FRMD3: variants seen among roughly 807,000 people sequenced by gnomAD.
The protein encoded by FRMD3 is FERM domain-containing protein 3.
In FRMD3, 33 loss-of-function variants were observed where a neutral mutation model predicts 70.2. The observed-to-expected ratio is 0.47, with a 90% CI of 0.36 to 0.63. The LOEUF (loss-of-function observed/expected upper bound fraction) is 0.63, where lower values mean the gene tolerates loss of function less well. Among genes scored for constraint, FRMD3 ranks in the 20% least tolerant of loss-of-function variants. The probability of loss-of-function intolerance (pLI) is 0.00; values close to 1 mark genes in which losing one functional copy is unlikely to be tolerated. For missense variants in FRMD3, 632 were observed against 711.4 expected (o/e 0.89, Z 1.27); for synonymous variants, 279 against 255.9 (o/e 1.09, Z -0.86).
intron 1 of FRMD3, among the ~76,000 whole-genome samples, chr9:83,535,819 G>A (rs1279979259): frequency 6.6e-6 from 1 of 151,954 alleles, no homozygotes; most frequent in Non-Finnish European, 1.5e-5. Flanking sequence ...GACATTCTGT[G>A]ACAATATATA....
the FRMD3 span, among the ~76,000 whole-genome samples, chr9:83,560,666 C>A: frequency 6.6e-6 from 1 of 152,218 alleles, no homozygotes; most frequent in African/African-American, 2.4e-5. Flanking sequence ...ACATGGCTGC[C>A]TTATCAGACT....
chr9:83,365,645 G>A (rs1373869292), intron 3 of FRMD3, among the ~76,000 whole-genome samples: 6 of 152,202 alleles, frequency 3.9e-5, no homozygotes, highest in Non-Finnish European at 7.4e-5. Flanking sequence ...CAACACTACC[G>A]GCTTGGCTGA....
At chr9:83,327,551 C>G (rs1836069104) in intron 6 of FRMD3, among the ~76,000 whole-genome samples, 1 of 152,226 alleles carries the variant, frequency 6.6e-6, no homozygotes, top group Admixed American at 6.5e-5. Flanking sequence ...CTTCCCCACC[C>G]AGGCTGAAGG....
At chr9:83,272,529 C>T (rs1833605253) in intron 13 of FRMD3, among the ~76,000 whole-genome samples, 1 of 152,196 alleles carries the variant, frequency 6.6e-6, no homozygotes, top group Non-Finnish European at 1.5e-5. Flanking sequence ...GGCCGCCACC[C>T]CCTCTGGGAA....
chr9:83,508,293 G>A (rs1829251261), intron 1 of FRMD3, among the ~76,000 whole-genome samples: 1 of 152,152 alleles, frequency 6.6e-6, no homozygotes, highest in Non-Finnish European at 1.5e-5. Flanking sequence ...GGCATAACAG[G>A]GACTGCCTGG....
At chr9:83,340,965 A>G (rs1269553424) in intron 5 of FRMD3, among the ~76,000 whole-genome samples, 1 of 152,222 alleles carries the variant, frequency 6.6e-6, no homozygotes, top group Non-Finnish European at 1.5e-5. Context: ...GAGCATTAGC[A>G]AACAAGACGA....
At chr9:83,568,101 G>A in the FRMD3 span, among the ~76,000 whole-genome samples, 5 of 152,214 alleles carry the variant, frequency 3.3e-5, no homozygotes, top group African/African-American at 4.8e-5. Context: ...CAGAATCATG[G>A]TAGGAGATGA....
At chr9:83,366,750 A>G (rs968910384) in intron 3 of FRMD3, among the ~76,000 whole-genome samples, 8 of 152,354 alleles carry the variant, frequency 5.3e-5, no homozygotes, top group African/African-American at 1.9e-4. Context: ...AAGTTTTTTC[A>G]TGCTAATATA....
intron 1 of FRMD3, among the ~76,000 whole-genome samples, chr9:83,505,381 T>G (rs1209154348): frequency 1.3e-5 from 2 of 152,212 alleles, no homozygotes; most frequent in Non-Finnish European, 2.9e-5. Context: ...AAGCCCCAGT[T>G]GGCAAGTCCT....
Position 83,538,291 on chromosome 9 carries a change from G to A in FRMD3, c.-60C>T. On this transcript the variant is annotated 5_prime_UTR_variant, in exon 1 of 14. Coordinates refer to ENST00000304195, the MANE Select transcript of FRMD3 (RefSeq NM_174938.6). The surrounding 1 kb of genome is among the most constrained non-coding windows in gnomAD (Gnocchi z 4.7). Reference sequence around the variant, plus strand: ...GGGCCGGCGCGGTGCTCGCCTGCGCGGACACACACGCTCGCACGCACTGTC... The same window carrying A: ...GGGCCGGCGCGGTGCTCGCCTGCGCAGACACACACGCTCGCACGCACTGTC... 2.7e-6 allele frequency: 4 copies of A among 1,502,120 alleles called. No individual in the cohort carries two copies. Among genetic ancestry groups the A allele is most frequent in the Admixed American group, 4.0e-5 (2 of 49,446 alleles). 93.0% of individuals were successfully genotyped at this position (1,502,120 alleles called of 1,614,324 possible). A position where few individuals can be genotyped will look rare whatever the true frequency, so the allele number is the denominator to read the frequency against.
At position 83,247,971 on chromosome 9, in the gene FRMD3, C is replaced by A; in HGVS notation, c.1741G>T (p.Glu581Ter). The A allele has an allele frequency of 1.2e-6, 2 of 1,614,194 alleles. No individual in the cohort carries two copies. The highest frequency in any genetic ancestry group is 2.2e-5 in the South Asian group (2 of 91,088). ...FHYEYYCPLK[E>*]WVAGKVHLIL... ...AGGTGGACTTTCCCAGCCACCCACT[C>A]CTTGAGGGGACAGTAGTATTCATAG... Residue 581 changes from glutamate (E) to a stop codon, truncating the protein, a stop_gained, in exon 14 of 14, where the codon GAG becomes TAG. Transcript: ENST00000304195. LOFTEE classifies it high-confidence loss of function.
At chr9:83,440,578 G>A (rs552842262) in intron 1 of FRMD3, among the ~76,000 whole-genome samples, 10 of 152,182 alleles carry the variant, frequency 6.6e-5, no homozygotes, top group Non-Finnish European at 8.8e-5. Flanking sequence ...ATCACAGGAC[G>A]AGGGGCAACA....
chr9:83,425,654 C>T (rs1377712317), intron 1 of FRMD3, among the ~76,000 whole-genome samples: 1 of 152,062 alleles, frequency 6.6e-6, no homozygotes, highest in African/African-American at 2.4e-5. Flanking sequence ...ACCTGCAATC[C>T]CCACACTATG....
intron 5 of FRMD3, among the ~76,000 whole-genome samples, chr9:83,339,358 C>G (rs141023752): frequency 2.6e-4 from 40 of 152,238 alleles, no homozygotes; most frequent in African/African-American, 8.7e-4. Flanking sequence ...GGTAAGCCGC[C>G]ATGGTTCTCC....
chr9:83,392,834 A>G (rs1564055389), intron 1 of FRMD3, among the ~76,000 whole-genome samples: 1 of 152,200 alleles, frequency 6.6e-6, no homozygotes, highest in Non-Finnish European at 1.5e-5. Flanking sequence ...AAAGATTTCA[A>G]GTAAAAGGAT....
rs141480854 is a variant in FRMD3 at position 83,468,060 on chromosome 9, T to C, written c.147+70025A>G. Among the ~76,000 whole-genome samples the C allele has an allele frequency of 7.5e-3, 1,142 of 152,284 alleles. 13 individuals carry two copies. Among genetic ancestry groups the C allele is most frequent in the African/African-American group, 0.023 (964 of 41,558 alleles). On this transcript the variant is annotated intron_variant, in intron 1 of 13. Transcript: ENST00000304195. ...AGCCAAAAAATGAGTTCATTGTTCATAACATATCTTGTTAGACAACAGGCT... is the reference window on the plus strand; with the variant it reads ...AGCCAAAAAATGAGTTCATTGTTCACAACATATCTTGTTAGACAACAGGCT...
chr9:83,515,996 T>TA (rs1411093657), intron 1 of FRMD3, among the ~76,000 whole-genome samples: 1 of 152,066 alleles, frequency 6.6e-6, no homozygotes, highest in African/African-American at 2.4e-5. Context: ...GAAAAACCGA[T>TA]ACCAGCCACT....
intron 1 of FRMD3, among the ~76,000 whole-genome samples, chr9:83,536,929 C>CGAAAAAAAAAAAAAAA (rs1829904095): frequency 2.2e-5 from 1 of 46,268 alleles, no homozygotes; most frequent in African/African-American, 1.3e-4. Context: ...CTGTATTACA[C>CGAAAAAAAAAAAAAAA]TAAAAAAAAA....
chr9:83,343,367 C>G (rs1327026165), intron 4 of FRMD3, 80 bp from the exon 5 acceptor site: 8 of 937,228 alleles, frequency 8.5e-6, no homozygotes, highest in African/African-American at 3.2e-5. Context: ...GCTTAGCTCC[C>G]ATGGTGACCA....
Sources: gnomAD v4.1 joint callset for allele counts (sites outside exome capture counted in the v4.1 genomes callset) on GRCh38, gnomAD v4.1.1 for gene constraint, Gnocchi (gnomAD v3.1) non-coding constraint, MANE v1.5 for transcripts, NCBI Gene and HGNC (gene_info 2026-07-23, HGNC 2026-07-21) for gene names.